The following PTPRD variants were observed in gnomAD, a reference collection of about 807,000 sequenced individuals.
PTPRD encodes the protein protein tyrosine phosphatase receptor type D.
A neutral mutation model predicts 214.5 loss-of-function variants in PTPRD; 34 were observed. The observed-to-expected ratio is 0.16, with a 90% CI of 0.12 to 0.21. The LOEUF (loss-of-function observed/expected upper bound fraction) is 0.21. PTPRD is among the 10% of genes least tolerant of loss of function. The pLI, the probability that PTPRD is intolerant of heterozygous loss-of-function variation, is 1.00. For synonymous variants in PTPRD, 1,128 were observed against 845.7 expected (o/e 1.33, Z -5.79); for missense variants, 2,545 against 2,398.7 (o/e 1.06, Z -1.27).
intron 7 of PTPRD, among the ~76,000 whole-genome samples, chr9:9,578,045 C>CAAAAAAAAAAAAAAA (rs34128512): frequency 9.8e-6 from 1 of 102,422 alleles, no homozygotes; most frequent in Non-Finnish European, 1.9e-5. Context: ...GACTCTGTCT[C>CAAAAAAAAAAAAAAA]AAAAAAAAAA....
intron 8 of PTPRD, among the ~76,000 whole-genome samples, chr9:9,570,655 T>A (rs909236395): frequency 1.1e-4 from 16 of 151,608 alleles, no homozygotes; most frequent in Admixed American, 9.9e-4. Flanking sequence ...ATTTGTGTTT[T>A]ACCTTTGTTC....
chr9:8,640,593 G>C (rs553926275), intron 12 of PTPRD, among the ~76,000 whole-genome samples: 5 of 146,628 alleles, frequency 3.4e-5, no homozygotes, highest in Admixed American at 2.7e-4. Context: ...ACCTAAAAGG[G>C]CTCTTAAATT....
At chr9:8,914,066 T>A (rs1452712302) in intron 11 of PTPRD, among the ~76,000 whole-genome samples, 1 of 152,148 alleles carries the variant, frequency 6.6e-6, no homozygotes, top group Admixed American at 6.6e-5. Context: ...GAATACGTAC[T>A]AAAATTGAAA....
At chr9:9,259,450 T>A (rs1049063439) in intron 9 of PTPRD, among the ~76,000 whole-genome samples, 1 of 151,900 alleles carries the variant, frequency 6.6e-6, no homozygotes, top group Non-Finnish European at 1.5e-5. Flanking sequence ...AATGAATGTA[T>A]ACCTACATGT....
At chr9:8,450,050 G>A (rs573443515) in intron 33 of PTPRD, among the ~76,000 whole-genome samples, 21 of 152,084 alleles carry the variant, frequency 1.4e-4, no homozygotes, top group Admixed American at 9.8e-4. Context: ...CAATGATCTC[G>A]AAGTCCTCCT....
chr9:9,957,771 C>A (rs2094046395), intron 4 of PTPRD, among the ~76,000 whole-genome samples: 1 of 152,012 alleles, frequency 6.6e-6, no homozygotes, highest in Non-Finnish European at 1.5e-5. Context: ...ACTGTCACAA[C>A]CTGACTTCAA....
At chr9:9,972,450 T>C (rs1399571737) in intron 4 of PTPRD, among the ~76,000 whole-genome samples, 1 of 152,182 alleles carries the variant, frequency 6.6e-6, no homozygotes, top group African/African-American at 2.4e-5. Flanking sequence ...CATTACTCTT[T>C]TGGGTTAGCA....
rs772002226 is a variant in PTPRD at position 8,504,284 on chromosome 9, A to G, written c.1799T>C (p.Ile600Thr). 6.2e-7 allele frequency: 1 copy of G among 1,614,176 alleles called. No homozygotes were observed. Among genetic ancestry groups the G allele is most frequent in the Admixed American group, 1.7e-5 (1 of 60,018 alleles). ...PQGLGASTAE[I>T]SARTMQSKPS... ...ACTTGACTGCATGGTTCTAGCTGAT[A>G]TTTCTGCAGTAGAAGCACCCAGGCC... The change falls in exon 23 of 46, where the codon ATA becomes ACA. Residue 600 changes from isoleucine to threonine, a missense_variant. Ile to Thr is a moderately conservative substitution (Grantham distance 89, BLOSUM62 -1). Coordinates refer to ENST00000381196, the MANE Select transcript of PTPRD (RefSeq NM_002839.4).
intron 10 of PTPRD, among the ~76,000 whole-genome samples, chr9:9,153,166 T>C (rs1428238944): frequency 1.3e-5 from 2 of 152,220 alleles, no homozygotes; most frequent in African/African-American, 4.8e-5. Flanking sequence ...ACTCAGCCAG[T>C]TTTAAAGTAA....
At chr9:9,565,452 T>A (rs1411700786) in intron 8 of PTPRD, among the ~76,000 whole-genome samples, 1 of 151,966 alleles carries the variant, frequency 6.6e-6, no homozygotes, top group Non-Finnish European at 1.5e-5. Context: ...AAGGAAGGTA[T>A]AAAAATCCTT....
At chr9:9,780,525 A>T (rs2098834957) in intron 5 of PTPRD, among the ~76,000 whole-genome samples, 1 of 152,232 alleles carries the variant, frequency 6.6e-6, no homozygotes, top group Admixed American at 6.5e-5. Context: ...TATCATTGGT[A>T]ACAAAGAGTT....
chr9:8,893,358 G>A (rs757718861), intron 11 of PTPRD, among the ~76,000 whole-genome samples: 2 of 152,158 alleles, frequency 1.3e-5, no homozygotes, highest in African/African-American at 2.4e-5. Context: ...TGCAAAATAC[G>A]AAGGGAGAGT....
intron 2 of PTPRD, among the ~76,000 whole-genome samples, chr9:10,347,290 T>C (rs1237148497): frequency 6.6e-6 from 1 of 152,150 alleles, no homozygotes; most frequent in Non-Finnish European, 1.5e-5. Flanking sequence ...TCTTTGTAAA[T>C]AAAATTTTTG....
At chr9:10,013,170 A>G (rs940615422) in intron 4 of PTPRD, among the ~76,000 whole-genome samples, 18 of 151,836 alleles carry the variant, frequency 1.2e-4, no homozygotes, top group African/African-American at 4.1e-4. Context: ...TATTGTCATG[A>G]TTTTGTAAAA....
Position 10,545,821 on chromosome 9 carries a change from A to G in PTPRD, c.-600+66577T>C, listed in dbSNP as rs574771181. On this transcript the variant is annotated intron_variant, in intron 2 of 45. Coordinates refer to ENST00000381196, the MANE Select transcript of PTPRD (RefSeq NM_002839.4). ...TTTCTTTCTTTACTTCCTCTCTTGTATTTATTTTTATATGTGAGTTTTCCT... is the reference window on the plus strand; with the variant it reads ...TTTCTTTCTTTACTTCCTCTCTTGTGTTTATTTTTATATGTGAGTTTTCCT... Among the ~76,000 whole-genome samples the G allele has an allele frequency of 9.9e-5, 15 of 152,102 alleles. No homozygotes were observed. The South Asian group carries it at 3.1e-3, about 32-fold the overall frequency.
rs1790580587 is a variant in PTPRD at position 8,672,771 on chromosome 9, AAT to A, written c.65-35929_65-35928del. ...TATGAAATTTTTAGTTAAGGACCTA[AAT>A]ATAATGTCCCTAGTTAGCAAGGAAC... is the stretch of plus-strand genomic sequence containing the variant. On this transcript the variant is annotated intron_variant, in intron 12 of 45. Transcript: ENST00000381196. Among the ~76,000 whole-genome samples the A allele has an allele frequency of 3.4e-5, 5 of 145,200 alleles. No individual in the cohort carries two copies. The South Asian group carries it at 1.1e-3, about 32-fold the overall frequency.
intron 11 of PTPRD, among the ~76,000 whole-genome samples, chr9:8,880,433 A>T (rs1021495114): frequency 1.3e-5 from 2 of 152,172 alleles, no homozygotes; most frequent in Non-Finnish European, 2.9e-5. Flanking sequence ...GAAGATGATG[A>T]TGAAGCACAG....
At chr9:9,593,225 C>CCA (rs2092939685) in intron 7 of PTPRD, among the ~76,000 whole-genome samples, 1 of 149,662 alleles carries the variant, frequency 6.7e-6, no homozygotes, top group African/African-American at 2.4e-5. Context: ...TTTTCCCCCC[C>CCA]CTCAAAGAAA....
At chr9:9,017,040 T>C (rs983682172) in intron 11 of PTPRD, among the ~76,000 whole-genome samples, 2 of 152,056 alleles carry the variant, frequency 1.3e-5, no homozygotes, top group Admixed American at 6.6e-5. Flanking sequence ...AGTAGTGATG[T>C]GTATTATAGA....
Sources: gnomAD v4.1 joint callset for allele counts (sites outside exome capture counted in the v4.1 genomes callset) on GRCh38, gnomAD v4.1.1 for gene constraint, MANE v1.5 for transcripts, NCBI Gene and HGNC (gene_info 2026-07-23, HGNC 2026-07-21) for gene names.